Variants in EMC1 observed in about 807,000 individuals in gnomAD.
EMC1 encodes the protein KIAA0090.
In EMC1, 103 loss-of-function variants were observed where a neutral mutation model predicts 128.8. The observed-to-expected ratio is 0.80, with a 90% CI of 0.68 to 0.94. The LOEUF is 0.94. Ranked by LOEUF, EMC1 falls within the 40% of genes least tolerant of loss-of-function variation. The probability of loss-of-function intolerance (pLI) is 0.00; values close to 1 mark genes in which losing one functional copy is unlikely to be tolerated. For synonymous variants in EMC1, 442 were observed against 490.4 expected, an observed-to-expected ratio of 0.90 and a Z score of 1.30; for missense variants, 1,083 against 1,250.6, an observed-to-expected ratio of 0.87 and a Z score of 2.02.
At chr1:19,244,581 T>A (rs1199859391) in intron 2 of EMC1, 3 of 262,830 alleles carry the variant, frequency 1.1e-5, no homozygotes, top group East Asian at 1.0e-4. Flanking sequence ...CTGATTTTTT[T>A]AATTTTAGAC....
Position 19,219,349 on chromosome 1 carries a change from G to A in EMC1, c.2936C>T (p.Thr979Ile), listed in dbSNP as rs770471010. ...LFGLVFATMITKRLAQVKLLN... is the reference protein window; with the variant it reads ...LFGLVFATMIIKRLAQVKLLN... ...GAGCTTCACCTGTGCCAGTCTCTTA[G>A]TGATCATGGTGGCAAAAACCAGGCC... The change falls in exon 23 of 23, where the codon ACT becomes ATT. Residue 979 changes from threonine to isoleucine, a missense_variant. This residue lies in a region of EMC1 where 527 missense variants were observed against 644.1 expected (regional missense o/e 0.82). Transcript: ENST00000477853. The A allele has an allele frequency of 6.2e-7, 1 of 1,614,080 alleles. No homozygotes were observed. The highest frequency in any genetic ancestry group is 1.7e-5 in the Admixed American group (1 of 60,008).
intron 17 of EMC1, among the ~76,000 whole-genome samples, chr1:19,228,172 T>C (rs1226688203): frequency 7.6e-6 from 1 of 130,928 alleles, no homozygotes; most frequent in Admixed American, 9.3e-5. Context: ...ACCATTGCAC[T>C]CCAGCCTGGG....
intron 6 of EMC1, chr1:19,240,779 C>T (rs2093600778): frequency 1.7e-6 from 1 of 582,546 alleles, no homozygotes; most frequent in Non-Finnish European, 3.0e-6. Context: ...CTGTAAGATA[C>T]TTACAGGCAG....
Position 19,240,421 on chromosome 1 carries a change from T to C in EMC1, c.662A>G (p.Gln221Arg), listed in dbSNP as rs2093598079. 1.2e-6 allele frequency: 2 copies of C among 1,614,224 alleles called. No individual in the cohort carries two copies. The highest frequency in any genetic ancestry group is 4.5e-5 in the East Asian group (2 of 44,882). ...QQVRVSTPWL[Q>R]HLSGACGVVD... ...CACACCACAGGCTCCAGACAGGTGCTGCAGCCACGGAGTTGAAACCCTAAC... is the reference window on the plus strand; with the variant it reads ...CACACCACAGGCTCCAGACAGGTGCCGCAGCCACGGAGTTGAAACCCTAAC... The change falls in exon 7 of 23, where the codon CAG becomes CGG. Residue 221 changes from glutamine (Q) to arginine (R), a missense_variant. By Grantham distance (43) the Gln-to-Arg change is conservative. This residue lies in a region of EMC1 where 544 missense variants were observed against 572.4 expected (regional missense o/e 0.95). Transcript: ENST00000477853.
At position 19,223,469 on chromosome 1, in the gene EMC1, C is replaced by T. The variant is rs527601179; in HGVS notation, c.2303G>A (p.Arg768His). Residue 768 changes from arginine (R) to histidine (H), a missense_variant, in exon 19 of 23, where the codon CGT becomes CAT. Arg to His is a conservative substitution (Grantham distance 29). Transcript: ENST00000477853. Reference sequence around the variant, plus strand: ...CTTCTGCACAGAGGAGTGAATGATACGCCCAGTGACGCCATCAATGAGGAA... The same window carrying T: ...CTTCTGCACAGAGGAGTGAATGATATGCCCAGTGACGCCATCAATGAGGAA... The part of the protein sequence containing the change: ...GIFLIDGVTG[R>H]IIHSSVQKKA... 3.5e-5 allele frequency: 56 copies of T among 1,614,016 alleles called. No homozygotes were observed. The highest frequency in any genetic ancestry group is 1.6e-4 in the Middle Eastern group (1 of 6,084).
intron 7 of EMC1, 24 bp downstream of exon 7, chr1:19,240,273 G>C (rs1189211162): frequency 6.2e-7 from 1 of 1,613,862 alleles, no homozygotes; most frequent in Admixed American, 1.7e-5. Flanking sequence ...CCTCAGGCCA[G>C]AAGAAGCAGT....
rs368733427 is a variant in EMC1, at chr1:19,242,484, G to T, written c.381-11C>A. The T allele has an allele frequency of 4.6e-5, 74 of 1,613,926 alleles. No individual in the cohort carries two copies. Among genetic ancestry groups the T allele is most frequent in the Non-Finnish European group, 6.2e-5 (73 of 1,180,012 alleles). ...CCAAGTGCCTGGAAACTGAACACAAGTACAGGTTGAGAGCAGCCCACACCT... is the reference window on the plus strand; with the variant it reads ...CCAAGTGCCTGGAAACTGAACACAATTACAGGTTGAGAGCAGCCCACACCT... On this transcript the variant is annotated splice_polypyrimidine_tract_variant and intron_variant, in intron 4 of 22. Transcript: ENST00000477853.
intron 4 of EMC1, 49 bp downstream of exon 4, chr1:19,243,565 C>G (rs1407010803): frequency 7.9e-6 from 12 of 1,517,614 alleles, no homozygotes; most frequent in Non-Finnish European, 1.0e-5. Flanking sequence ...GATCTGTGTT[C>G]CGGTGAAGCC....
intron 3 of EMC1, 74 bp downstream of exon 3, chr1:19,243,876 T>A: frequency 1.3e-6 from 2 of 1,543,296 alleles, no homozygotes; most frequent in Non-Finnish European, 1.8e-6. Flanking sequence ...TACCAGACCC[T>A]GTACAGATCA....
At chr1:19,220,016 T>C in intron 21 of EMC1, 1 of 306,164 alleles carries the variant, frequency 3.3e-6, no homozygotes, top group Non-Finnish European at 6.2e-6. Context: ...ACTGAACCAC[T>C]AAGCTAATTC....
At chr1:19,233,908 T>A (rs145956157) in intron 13 of EMC1, among the ~76,000 whole-genome samples, 1 of 152,168 alleles carries the variant, frequency 6.6e-6, no homozygotes, top group African/African-American at 2.4e-5. Context: ...CATCATACGA[T>A]GTACATAAAG....
chr1:19,230,447 G>A (rs1281439758), intron 17 of EMC1, among the ~76,000 whole-genome samples: 2 of 152,176 alleles, frequency 1.3e-5, no homozygotes, highest in Non-Finnish European at 2.9e-5. Context: ...GCGCACGCCT[G>A]TAATCCCAGC....
intron 6 of EMC1, 178 bp downstream of exon 6, chr1:19,240,838 A>C: frequency 7.2e-6 from 5 of 693,472 alleles, no homozygotes; most frequent in Non-Finnish European, 1.2e-5. Context: ...TAACACATGC[A>C]AATATGAGTA....
Position 19,239,813 on chromosome 1 carries a change from G to A in EMC1, c.954+5C>T. The A allele has an allele frequency of 6.2e-7, 1 of 1,613,766 alleles. No homozygotes were observed. Among genetic ancestry groups the A allele is most frequent in the Non-Finnish European group, 8.5e-7 (1 of 1,179,806 alleles). ...ATCCTAGCAAACCATGTTGCCTGCA[G>A]TTACCTGTGGGAAGTTTTTAAGCAA... is the stretch of plus-strand genomic sequence containing the variant. On this transcript the variant is annotated splice_donor_5th_base_variant and intron_variant, in intron 8 of 22. Coordinates refer to ENST00000477853, the MANE Select transcript of EMC1 (RefSeq NM_015047.3).
intron 20 of EMC1, 66 bp from the exon 21 acceptor site, chr1:19,220,914 C>A: frequency 1.7e-6 from 2 of 1,160,142 alleles, no homozygotes; most frequent in Admixed American, 2.1e-5. Context: ...ACAAAAATGT[C>A]ATTATTGCAG....
chr1:19,224,372 T>C (rs1478149783), intron 18 of EMC1, among the ~76,000 whole-genome samples: 1 of 152,192 alleles, frequency 6.6e-6, no homozygotes, highest in Non-Finnish European at 1.5e-5. Flanking sequence ...AGATGTTTCA[T>C]CTGAAACTTA....
chr1:19,244,103 C>T (rs1014930728), intron 2 of EMC1, 88 bp from the exon 3 acceptor site: 1 of 1,254,194 alleles, frequency 8.0e-7, no homozygotes, highest in Non-Finnish European at 1.2e-6. Context: ...TTCATTTGCA[C>T]AGCAATGTCC....
At chr1:19,224,087 A>G (rs1265800049) in intron 18 of EMC1, among the ~76,000 whole-genome samples, 1 of 152,102 alleles carries the variant, frequency 6.6e-6, no homozygotes, top group Non-Finnish European at 1.5e-5. Flanking sequence ...CTTCCAGAAC[A>G]TCCCTGCCCA....
chr1:19,250,631 C>T (rs112235018), intron 1 of EMC1, among the ~76,000 whole-genome samples: 3,795 of 152,212 alleles, frequency 0.025, 164 homozygotes, highest in African/African-American at 0.086. Flanking sequence ...GCAATAATAA[C>T]AGATAACGCT....
Sources: gnomAD v4.1 joint callset for allele counts (sites outside exome capture counted in the v4.1 genomes callset) on GRCh38, gnomAD v4.1.1 for gene constraint, gnomAD v4.1.1 regional missense constraint, MANE v1.5 for transcripts, NCBI Gene and HGNC (gene_info 2026-07-23, HGNC 2026-07-21) for gene names.